PARD3B: variants seen among roughly 807,000 people sequenced by gnomAD.
PARD3B encodes the protein partitioning defective 3 homolog B.
Under a neutral mutation model 130.2 loss-of-function variants are expected in PARD3B, and 103 were observed. The observed-to-expected ratio is 0.79, with a 90% CI of 0.67 to 0.93. The LOEUF (loss-of-function observed/expected upper bound fraction) is 0.93. PARD3B is among the 40% of genes least tolerant of loss of function. The pLI is 0.00. For synonymous variants in PARD3B, 583 were observed against 553.2 expected (o/e 1.05, Z -0.76); for missense variants, 1,609 against 1,499.2 (o/e 1.07, Z -1.21).
rs1047993930 is a variant in PARD3B at position 204,799,849 on chromosome 2, A to G, written c.222+113567A>G. Among the ~76,000 whole-genome samples, 2 of 152,164 alleles carry G rather than the reference A, an allele frequency of 1.3e-5. No homozygotes were observed. The highest frequency in any genetic ancestry group is 2.9e-5 in the Non-Finnish European group (2 of 68,044). ...AAATGCAGATATGGCTGCAGTGACT[A>G]AAGATTTATATCACAGCATCAGTTC... On this transcript the variant is annotated intron_variant, in intron 2 of 22. Transcript: ENST00000406610. This position sits in a 1 kb window ranked among gnomAD's most constrained non-coding sequence, Gnocchi z 4.1.
At chr2:204,800,230 G>A (rs2042518465) in intron 2 of PARD3B, among the ~76,000 whole-genome samples, 1 of 152,152 alleles carries the variant, frequency 6.6e-6, no homozygotes, top group African/African-American at 2.4e-5. Flanking sequence ...GGAAAATGCA[G>A]TTGGCATACT....
At chr2:204,787,635 A>G (rs1025664295) in intron 2 of PARD3B, among the ~76,000 whole-genome samples, 4 of 152,130 alleles carry the variant, frequency 2.6e-5, no homozygotes, top group African/African-American at 7.2e-5. Context: ...AGTGTAGCCA[A>G]TTCATGTTCA....
intron 1 of PARD3B, among the ~76,000 whole-genome samples, chr2:204,589,422 A>G (rs1016908457): frequency 6.6e-6 from 1 of 152,204 alleles, no homozygotes; most frequent in Non-Finnish European, 1.5e-5. Context: ...TTTGAACTTG[A>G]CATTGAAGTT....
chr2:204,694,097 T>C (rs2037496170), intron 2 of PARD3B, among the ~76,000 whole-genome samples: 1 of 151,978 alleles, frequency 6.6e-6, no homozygotes, highest in South Asian at 2.1e-4. Context: ...ATTGGGAAGG[T>C]TGAAAAAGTG....
At chr2:205,536,734 T>A (rs967180547) in intron 21 of PARD3B, among the ~76,000 whole-genome samples, 1 of 152,164 alleles carries the variant, frequency 6.6e-6, no homozygotes, top group South Asian at 2.1e-4. Context: ...TTAATGTTGG[T>A]GCTATTTTCC....
intron 2 of PARD3B, among the ~76,000 whole-genome samples, chr2:204,928,468 T>G (rs1687795449): frequency 6.6e-6 from 1 of 152,180 alleles, no homozygotes; most frequent in Admixed American, 6.6e-5. Flanking sequence ...GGGGCCATTT[T>G]AAACATCAAT....
At chr2:205,380,216 ATATT>A (rs2045274864) in intron 18 of PARD3B, among the ~76,000 whole-genome samples, 4 of 112,996 alleles carry the variant, frequency 3.5e-5, no homozygotes, top group African/African-American at 1.1e-4. Context: ...TAAAGAATAT[ATATT>A]ATATATTATG....
chr2:205,323,286 C>T (rs1294272633), intron 18 of PARD3B, among the ~76,000 whole-genome samples: 1 of 152,020 alleles, frequency 6.6e-6, no homozygotes, highest in Non-Finnish European at 1.5e-5. Flanking sequence ...GATATGTCAT[C>T]ACTTTTACAG....
chr2:205,000,193 C>G (rs1305784707), intron 3 of PARD3B, among the ~76,000 whole-genome samples: 1 of 152,156 alleles, frequency 6.6e-6, no homozygotes, highest in Non-Finnish European at 1.5e-5. Context: ...CTGGGTAGTA[C>G]AACATTAACA....
intron 1 of PARD3B, among the ~76,000 whole-genome samples, chr2:204,652,723 C>T (rs1485645269): frequency 6.6e-6 from 1 of 151,700 alleles, no homozygotes; most frequent in Non-Finnish European, 1.5e-5. Flanking sequence ...CTACCTGAGA[C>T]TGGGTAATTT....
intron 3 of PARD3B, among the ~76,000 whole-genome samples, chr2:204,978,365 A>G (rs959806572): frequency 5.3e-5 from 8 of 152,266 alleles, no homozygotes; most frequent in Non-Finnish European, 1.2e-4. Context: ...TATAAAAATT[A>G]GTAAAATGCA....
At chr2:204,744,062 C>A (rs1305291463) in intron 2 of PARD3B, among the ~76,000 whole-genome samples, 1 of 152,102 alleles carries the variant, frequency 6.6e-6, no homozygotes, top group African/African-American at 2.4e-5. Flanking sequence ...CCCCTTTTTT[C>A]TATCTGTATT....
In PARD3B at chr2:204,593,840, T is replaced by C. The variant is rs1049167769; in HGVS notation, c.120+47721T>C. Among the ~76,000 whole-genome samples the C allele has an allele frequency of 2.6e-5, 4 of 152,220 alleles. No homozygotes were observed. In the East Asian group the frequency reaches 5.8e-4, roughly 22 times the overall value. ...CTTTATCTTGCTTCTCCTCTTTTTA[T>C]TAACTACGACCAGCATCCACTAAGA... On this transcript the variant is annotated intron_variant, in intron 1 of 22. Coordinates refer to ENST00000406610, the MANE Select transcript of PARD3B (RefSeq NM_001302769.2).
At chr2:205,534,573 A>G (rs2051756396) in intron 21 of PARD3B, among the ~76,000 whole-genome samples, 1 of 152,068 alleles carries the variant, frequency 6.6e-6, no homozygotes, top group Admixed American at 6.6e-5. Context: ...GGTTCAAGCT[A>G]TTCTCCTGCC....
intron 3 of PARD3B, among the ~76,000 whole-genome samples, chr2:205,017,138 G>C (rs1696210983): frequency 6.6e-6 from 1 of 152,144 alleles, no homozygotes; most frequent in Non-Finnish European, 1.5e-5. Context: ...GGGTAATAGA[G>C]GGGCAGCCAT....
At chr2:205,140,300 T>A (rs1193102874) in intron 10 of PARD3B, among the ~76,000 whole-genome samples, 1 of 152,120 alleles carries the variant, frequency 6.6e-6, no homozygotes, top group Non-Finnish European at 1.5e-5. Context: ...GAGATGTGCA[T>A]TAGATTATCA....
At chr2:204,998,960 G>A (rs1694594982) in intron 3 of PARD3B, among the ~76,000 whole-genome samples, 1 of 152,246 alleles carries the variant, frequency 6.6e-6, no homozygotes, top group Middle Eastern at 3.4e-3. Flanking sequence ...GATCCAAAGT[G>A]CTGGGATTAC....
chr2:205,190,639 A>C (rs114671429), intron 14 of PARD3B, among the ~76,000 whole-genome samples: 4,487 of 151,980 alleles, frequency 0.03, 205 homozygotes, highest in African/African-American at 0.1. Flanking sequence ...GGCAATGCCA[A>C]CTCTCCTCTT....
intron 21 of PARD3B, among the ~76,000 whole-genome samples, chr2:205,533,026 T>C (rs2051672134): frequency 6.6e-6 from 1 of 152,182 alleles, no homozygotes; most frequent in African/African-American, 2.4e-5. Flanking sequence ...TCAATGGAGC[T>C]TTATTAAAAA....
Sources: allele counts gnomAD v4.1 joint callset (sites outside exome capture counted in the v4.1 genomes callset), GRCh38; gene constraint gnomAD v4.1.1; non-coding constraint Gnocchi (gnomAD v3.1); transcripts MANE v1.5; gene names NCBI Gene and HGNC (gene_info 2026-07-23, HGNC 2026-07-21).